Variants in CNTLN observed in about 807,000 individuals in gnomAD.
The protein encoded by CNTLN is centlein, centrosomal protein.
In CNTLN, 212 loss-of-function variants were observed where a neutral mutation model predicts 180.0. That is an observed-to-expected ratio of 1.18 (90% CI 1.05 to 1.32). CNTLN has a LOEUF of 1.32. CNTLN is among the 40% of genes most tolerant of loss of function. The probability of loss-of-function intolerance (pLI) is 0.00; values close to 1 mark genes in which losing one functional copy is unlikely to be tolerated. For missense variants in CNTLN, 2,095 were observed against 1,610.9 expected (o/e 1.30, Z -5.14); for synonymous variants, 722 against 563.1 (o/e 1.28, Z -3.99).
At chr9:17,392,047 A>G (rs1826153706) in intron 14 of CNTLN, among the ~76,000 whole-genome samples, 1 of 152,144 alleles carries the variant, frequency 6.6e-6, no homozygotes, top group South Asian at 2.1e-4. Context: ...CACCAAAGTC[A>G]CTGTTTAAAG....
chr9:17,362,267 C>T (rs1564029635), intron 12 of CNTLN, among the ~76,000 whole-genome samples: 1 of 152,096 alleles, frequency 6.6e-6, no homozygotes, highest in Admixed American at 6.6e-5. Flanking sequence ...GTGGGGCCAT[C>T]TTGCTTCAGT....
intron 2 of CNTLN, among the ~76,000 whole-genome samples, chr9:17,219,594 T>C (rs1823996645): frequency 6.6e-6 from 1 of 152,120 alleles, no homozygotes; most frequent in Non-Finnish European, 1.5e-5. Flanking sequence ...GTTTTTATTT[T>C]ATATGGCACT....
intron 13 of CNTLN, among the ~76,000 whole-genome samples, chr9:17,374,051 C>G (rs1257636949): frequency 6.6e-6 from 1 of 152,128 alleles, no homozygotes; most frequent in African/African-American, 2.4e-5. Flanking sequence ...AGATGTTGGA[C>G]TGAGCAAGGA....
At chr9:17,328,585 T>C (rs976483415) in intron 8 of CNTLN, among the ~76,000 whole-genome samples, 4 of 152,138 alleles carry the variant, frequency 2.6e-5, no homozygotes, top group African/African-American at 9.7e-5. Context: ...CTTGTAAACA[T>C]GTCTGTAACA....
At chr9:17,502,392 C>T (rs767237246) in intron 25 of CNTLN, among the ~76,000 whole-genome samples, 159 bp from the exon 26 acceptor site, 13 of 152,158 alleles carry the variant, frequency 8.5e-5, no homozygotes, top group Non-Finnish European at 1.6e-4. Context: ...AAATTACCCA[C>T]ACTAACCAGC....
chr9:17,509,112 C>G, the CNTLN span, among the ~76,000 whole-genome samples: 1 of 152,168 alleles, frequency 6.6e-6, no homozygotes, highest in Non-Finnish European at 1.5e-5. Flanking sequence ...GCAAAGTGGC[C>G]ATGGTGGCAG....
intron 2 of CNTLN, among the ~76,000 whole-genome samples, chr9:17,210,179 C>T (rs935908093): frequency 1.3e-5 from 2 of 152,222 alleles, no homozygotes; most frequent in African/African-American, 4.8e-5. Flanking sequence ...TCGTCATTTA[C>T]ATTAGGTATA....
chr9:17,490,069 T>C (rs1237871197), intron 25 of CNTLN, among the ~76,000 whole-genome samples: 2 of 152,072 alleles, frequency 1.3e-5, no homozygotes, highest in African/African-American at 4.8e-5. Flanking sequence ...ACTTTGTCTA[T>C]AGTTTAGGGA....
chr9:17,335,173 T>G (rs1019852199), intron 10 of CNTLN, among the ~76,000 whole-genome samples: 2 of 152,188 alleles, frequency 1.3e-5, no homozygotes, highest in African/African-American at 4.8e-5. Flanking sequence ...GTTCATGCTT[T>G]TAGTTCAGCT....
In CNTLN at chr9:17,478,523, T is replaced by G. The variant is rs560151023; in HGVS notation, c.3856-5772T>G. Among the ~76,000 whole-genome samples the G allele has an allele frequency of 4.0e-5, 6 of 151,504 alleles. No individual in the cohort carries two copies. The East Asian group carries it at 1.2e-3, about 29-fold the overall frequency. On this transcript the variant is annotated intron_variant, in intron 23 of 25. Transcript: ENST00000380647. ...TTTTTAAAATGTTTTCTTGTAGGAG[T>G]TTTTTCTTTTTTTTTTTAAGAGATG...
At chr9:17,279,014 A>AT (rs1209218852) in intron 6 of CNTLN, among the ~76,000 whole-genome samples, 9 of 151,956 alleles carry the variant, frequency 5.9e-5, no homozygotes, top group African/African-American at 2.2e-4. Context: ...TTAGATAATT[A>AT]TTTTTTCTCT....
intron 13 of CNTLN, among the ~76,000 whole-genome samples, chr9:17,375,995 G>A (rs1396117958): frequency 6.6e-6 from 1 of 152,154 alleles, no homozygotes; most frequent in Non-Finnish European, 1.5e-5. Context: ...TTAATAATTA[G>A]TTTTCATATA....
chr9:17,516,696 G>A, the CNTLN span, among the ~76,000 whole-genome samples: 89 of 152,248 alleles, frequency 5.8e-4, no homozygotes, highest in African/African-American at 2.0e-3. Context: ...GTAAGTCAGC[G>A]AACCCCTTTA....
At chr9:17,473,423 G>C (rs1296351329) in intron 23 of CNTLN, among the ~76,000 whole-genome samples, 1 of 151,562 alleles carries the variant, frequency 6.6e-6, no homozygotes, top group African/African-American at 2.4e-5. Context: ...CTCCTATTGG[G>C]AATGAACCAT....
chr9:17,354,136 C>T (rs1033522485), intron 12 of CNTLN, among the ~76,000 whole-genome samples: 20 of 152,328 alleles, frequency 1.3e-4, no homozygotes, highest in African/African-American at 3.8e-4. Context: ...ACCGGCGCTG[C>T]GCTCAATTTC....
intron 5 of CNTLN, among the ~76,000 whole-genome samples, chr9:17,259,776 G>C (rs1184266093): frequency 6.7e-6 from 1 of 148,656 alleles, no homozygotes; most frequent in African/African-American, 2.6e-5. Flanking sequence ...GGTGTTTGTA[G>C]TATTCTCTGA....
chr9:17,354,877 T>C (rs1281488479), intron 12 of CNTLN, among the ~76,000 whole-genome samples: 1 of 152,096 alleles, frequency 6.6e-6, no homozygotes, highest in East Asian at 1.9e-4. Flanking sequence ...TTATGAGCTG[T>C]AACACCGCCA....
chr9:17,465,643 G>T (rs1328535296), intron 21 of CNTLN, among the ~76,000 whole-genome samples: 1 of 150,698 alleles, frequency 6.6e-6, no homozygotes, highest in African/African-American at 2.4e-5. Flanking sequence ...CTTTAACTTG[G>T]CTTGTTTCAG....
At chr9:17,314,488 C>A (rs186250527) in intron 8 of CNTLN, among the ~76,000 whole-genome samples, 2 of 152,270 alleles carry the variant, frequency 1.3e-5, no homozygotes, top group African/African-American at 2.4e-5. Context: ...GTTATCTTAA[C>A]CTTATTCAGA....
Sources: allele counts gnomAD v4.1 joint callset (sites outside exome capture counted in the v4.1 genomes callset), GRCh38; gene constraint gnomAD v4.1.1; transcripts MANE v1.5; gene names NCBI Gene and HGNC (gene_info 2026-07-23, HGNC 2026-07-21).